PMS2: variants seen among roughly 807,000 people sequenced by gnomAD.
The protein encoded by PMS2 is PMS1 homolog 2, mismatch repair system component.
In PMS2, 69 loss-of-function variants were observed where a neutral mutation model predicts 90.0. That is an observed-to-expected ratio of 0.77 (90% CI 0.63 to 0.94). PMS2 has a LOEUF of 0.94. PMS2 is among the 40% of genes least tolerant of loss of function. The pLI is 0.00. For missense variants in PMS2, 966 were observed against 1,040.2 expected, an observed-to-expected ratio of 0.93 and a Z score of 0.98; for synonymous variants, 332 against 375.1, an observed-to-expected ratio of 0.89 and a Z score of 1.33.
At chr7:6,008,803 T>A (rs1332742589) in intron 1 of PMS2, among the ~76,000 whole-genome samples, 194 bp downstream of exon 1, 1 of 152,128 alleles carries the variant, frequency 6.6e-6, no homozygotes, top group Non-Finnish European at 1.5e-5. Context: ...CCGAAGGAGC[T>A]TGCCTCGGCC....
intron 2 of PMS2, among the ~76,000 whole-genome samples, chr7:6,005,448 C>T (rs1464524700): frequency 6.6e-6 from 1 of 152,176 alleles, no homozygotes; most frequent in African/African-American, 2.4e-5. Context: ...CAGGTATCCA[C>T]CCGCCTTGGC....
chr7:5,975,711 A>AT (rs1394546045), intron 14 of PMS2, among the ~76,000 whole-genome samples: 1 of 43,560 alleles, frequency 2.3e-5, no homozygotes, highest in African/African-American at 7.5e-5. Flanking sequence ...TAATCTTTTA[A>AT]TTTTTTGTAC....
At chr7:5,976,109 G>A (rs1411890380) in intron 14 of PMS2, among the ~76,000 whole-genome samples, 5 of 142,642 alleles carry the variant, frequency 3.5e-5, no homozygotes, top group Non-Finnish European at 6.2e-5. Flanking sequence ...TGTGGTGGGT[G>A]CCTGTAGTCC....
In PMS2 at chr7:5,984,709, C is replaced by T. The variant is rs911149767; in HGVS notation, c.2007-1718G>A. 9.9e-5 allele frequency among the ~76,000 whole-genome samples: 15 copies of T among 151,538 alleles called. 1 individual carries two copies. The highest frequency in any genetic ancestry group is 3.4e-4 in the African/African-American group (14 of 40,970). ...CGAAGGCAGAAGAATCGTTTGAACC[C>T]GGGAGGCAGAGCTTGCAGTGAGCTG... On this transcript the variant is annotated intron_variant, in intron 11 of 14. Transcript: ENST00000265849.
At chr7:6,009,065 A>C, upstream of PMS2, 4 of 1,607,842 alleles carry the variant, frequency 2.5e-6, no homozygotes, top group African/African-American at 1.3e-5. Context: ...AGTTCCCTCC[A>C]GGGCTCCCAC....
At chr7:5,997,143 G>A (rs1160157229) in intron 7 of PMS2, among the ~76,000 whole-genome samples, 183 bp downstream of exon 7, 1 of 151,734 alleles carries the variant, frequency 6.6e-6, no homozygotes, top group African/African-American at 2.4e-5. Flanking sequence ...GAACTCAGGA[G>A]GTAGAGGTTG....
At chr7:5,983,295 G>C (rs1309369692) in intron 11 of PMS2, among the ~76,000 whole-genome samples, 1 of 151,296 alleles carries the variant, frequency 6.6e-6, no homozygotes. Context: ...ATTTTTAGTA[G>C]AGACAGAGTT....
intron 5 of PMS2, among the ~76,000 whole-genome samples, chr7:6,001,123 C>T (rs962206209): frequency 6.6e-6 from 1 of 152,134 alleles, no homozygotes; most frequent in East Asian, 1.9e-4. Context: ...AAGAAGACAG[C>T]AAAAACTGCA....
rs148642064 is a variant in PMS2 at position 5,987,288 on chromosome 7, C to T, written c.1477G>A (p.Asp493Asn). The T allele has an allele frequency of 6.8e-6, 11 of 1,614,152 alleles. No individual in the cohort carries two copies. The highest frequency in any genetic ancestry group is 9.3e-6 in the Non-Finnish European group (11 of 1,180,020). ...DPTDRAEVEK[D>N]SGHGSTSVDS... The stretch of plus-strand genomic sequence containing the variant: ...ACGGAAGTGCTGCCGTGCCCCGAGT[C>T]CTTCTCCACCTCCGCTCTGTCCGTA... Residue 493 changes from aspartate to asparagine, a missense_variant, in exon 11 of 15, where the codon GAC (aspartate) becomes AAC (asparagine). By Grantham distance (23) the Asp-to-Asn change is conservative (BLOSUM62 1). Transcript: ENST00000265849.
rs1192077717 is a variant in PMS2, at chr7:5,978,302, C to T, written c.2275+294G>A. On this transcript the variant is annotated intron_variant, in intron 13 of 14. Transcript: ENST00000265849. ...TTTTTTTTTTTGAGACAGAGTTTCA[C>T]TCTTGTTGCCCAGGCTGGAGTGCAG... 9.7e-4 allele frequency among the ~76,000 whole-genome samples: 142 copies of T among 146,838 alleles called. 4 individuals carry two copies. The East Asian group carries it at 0.026, about 26-fold the overall frequency.
intron 6 of PMS2, among the ~76,000 whole-genome samples, chr7:5,998,117 T>G (rs911346426): frequency 6.7e-6 from 1 of 149,802 alleles, no homozygotes; most frequent in African/African-American, 2.5e-5. Context: ...TGTCTTGCTC[T>G]CTCGCCCAGG....
intron 6 of PMS2, among the ~76,000 whole-genome samples, chr7:5,998,198 C>T (rs1456604286): frequency 6.6e-6 from 1 of 151,188 alleles, no homozygotes; most frequent in Non-Finnish European, 1.5e-5. Context: ...TCTCCTGCCT[C>T]AGCCTCCTGA....
chr7:5,992,162 G>T (rs1195157361), intron 8 of PMS2, 105 bp from the exon 9 acceptor site: 6 of 671,988 alleles, frequency 8.9e-6, no homozygotes, highest in African/African-American at 1.8e-5. Flanking sequence ...CTTAGAAGGG[G>T]ATACTTTTTT....
intron 4 of PMS2, 23 bp from the exon 5 acceptor site, chr7:6,002,659 G>C (rs2128819722): frequency 5.0e-6 from 8 of 1,587,958 alleles, no homozygotes; most frequent in Non-Finnish European, 6.9e-6. Context: ...ACCAGGCATG[G>C]TGTGTTCAGT....
At chr7:6,006,398 T>C (rs1256768247) in intron 1 of PMS2, among the ~76,000 whole-genome samples, 2 of 152,190 alleles carry the variant, frequency 1.3e-5, no homozygotes, top group African/African-American at 4.8e-5. Flanking sequence ...ATGCCTGTAA[T>C]CCCAGCACTT....
chr7:6,002,123 G>A, intron 5 of PMS2: 1 of 308,430 alleles, frequency 3.2e-6, no homozygotes, highest in South Asian at 3.0e-5. Context: ...TCAAGTTCCT[G>A]GGCTCAAGTG....
intron 8 of PMS2, among the ~76,000 whole-genome samples, chr7:5,993,464 T>A (rs113516018): frequency 0.016 from 2,337 of 149,142 alleles, 28 homozygotes; most frequent in Admixed American, 0.056. Flanking sequence ...AAAACCCATG[T>A]CATCATATCA....
chr7:5,996,940 C>T (rs1009566006), intron 7 of PMS2, among the ~76,000 whole-genome samples: 23 of 151,980 alleles, frequency 1.5e-4, no homozygotes, highest in African/African-American at 4.8e-5. Flanking sequence ...CCTAGCCAGG[C>T]GTGGTGGCTC....
At chr7:5,993,048 G>C (rs971779969) in intron 8 of PMS2, among the ~76,000 whole-genome samples, 1 of 152,074 alleles carries the variant, frequency 6.6e-6, no homozygotes, top group Non-Finnish European at 1.5e-5. Flanking sequence ...ACCACATCTG[G>C]CAGATTACAA....
Sources: allele counts gnomAD v4.1 joint callset (sites outside exome capture counted in the v4.1 genomes callset), GRCh38; gene constraint gnomAD v4.1.1; transcripts MANE v1.5; gene names NCBI Gene and HGNC (gene_info 2026-07-23, HGNC 2026-07-21).